The following ZSWIM6 variants were observed in gnomAD, a reference collection of about 807,000 sequenced individuals.
ZSWIM6 encodes zinc finger SWIM-type containing 6.
A neutral mutation model predicts 113.2 loss-of-function variants in ZSWIM6; 9 were observed. The observed-to-expected ratio is 0.08, with a 90% confidence interval of 0.05 to 0.14. The LOEUF (loss-of-function observed/expected upper bound fraction) is 0.14. ZSWIM6 is among the 10% of genes least tolerant of loss of function. ZSWIM6 has a pLI of 1.00. For missense variants in ZSWIM6, 1,162 were observed against 1,552.2 expected, an observed-to-expected ratio of 0.75 and a Z score of 4.22; for synonymous variants, 611 against 606.5, an observed-to-expected ratio of 1.01 and a Z score of -0.11.
intron 7 of ZSWIM6, 119 bp downstream of exon 7, chr5:61,526,515 C>G: frequency 8.5e-7 from 1 of 1,178,738 alleles, no homozygotes. Flanking sequence ...GCTTTACTCG[C>G]CATTCATTTA....
chr5:61,399,231 GTTTTTTTTT>G (rs35540556), intron 1 of ZSWIM6, among the ~76,000 whole-genome samples: 1 of 117,978 alleles, frequency 8.5e-6, no homozygotes, highest in African/African-American at 3.1e-5. Flanking sequence ...GGCTGTGTAT[GTTTTTTTTT>G]TTTTTTTTTT....
At chr5:61,333,040 G>T in intron 1 of ZSWIM6, 92 bp downstream of exon 1, 2 of 1,052,106 alleles carry the variant, frequency 1.9e-6, no homozygotes, top group East Asian at 6.3e-5. Context: ...ACAGCCCCTA[G>T]TTCCGCGCGC....
At chr5:61,362,187 T>C (rs908189966) in intron 1 of ZSWIM6, among the ~76,000 whole-genome samples, 1 of 151,938 alleles carries the variant, frequency 6.6e-6, no homozygotes, top group Admixed American at 6.6e-5. Flanking sequence ...AATTGAGATA[T>C]GCCTTCTTAC....
chr5:61,334,851 TAG>T lies in ZSWIM6; in HGVS notation c.676+1906_676+1907del, dbSNP rs144784404. ...TCTATGGCTTCTCAGTATAACAAAC[TAG>T]AGTCTGCGAATTTTTATGGCTTGGC... On this transcript the variant is annotated intron_variant, in intron 1 of 13. Coordinates refer to ENST00000252744, the MANE Select transcript of ZSWIM6 (RefSeq NM_020928.2). 1.0e-3 allele frequency among the ~76,000 whole-genome samples: 154 copies of T among 152,180 alleles called. 3 individuals carry two copies. The East Asian group carries it at 0.028, about 28-fold the overall frequency.
At chr5:61,533,885 T>C (rs965393845) in intron 9 of ZSWIM6, among the ~76,000 whole-genome samples, 5 of 152,220 alleles carry the variant, frequency 3.3e-5, no homozygotes, top group African/African-American at 4.8e-5. Context: ...AGCCTCATCA[T>C]TGGCTTCTGA....
At chr5:61,382,632 C>G (rs968320274) in intron 1 of ZSWIM6, among the ~76,000 whole-genome samples, 1 of 151,798 alleles carries the variant, frequency 6.6e-6, no homozygotes, top group Non-Finnish European at 1.5e-5. Context: ...GGTGAAACCC[C>G]CCTCTACTAA....
chr5:61,502,049 A>AGC (rs1748482804), intron 4 of ZSWIM6, among the ~76,000 whole-genome samples: 1 of 152,100 alleles, frequency 6.6e-6, no homozygotes, highest in Non-Finnish European at 1.5e-5. Context: ...GGAGGGGGAG[A>AGC]GCGAGAGTGA....
chr5:61,486,786 T>G (rs1242691902), intron 2 of ZSWIM6, among the ~76,000 whole-genome samples: 1 of 152,052 alleles, frequency 6.6e-6, no homozygotes, highest in Non-Finnish European at 1.5e-5. Context: ...TTTAATGGGA[T>G]TATTTGTGGG....
intron 9 of ZSWIM6, 29 bp downstream of exon 9, chr5:61,531,754 T>C (rs1749440879): frequency 6.5e-7 from 1 of 1,546,848 alleles, no homozygotes; most frequent in Non-Finnish European, 8.7e-7. Context: ...TTTCCACTTA[T>C]TTAGCCAATT....
At chr5:61,336,449 T>G (rs1744398418) in intron 1 of ZSWIM6, among the ~76,000 whole-genome samples, 2 of 151,896 alleles carry the variant, frequency 1.3e-5, no homozygotes, top group South Asian at 4.1e-4. Context: ...GGAAAAGAGA[T>G]AAATTTAATT....
intron 1 of ZSWIM6, among the ~76,000 whole-genome samples, chr5:61,426,490 A>G (rs1176409963): frequency 1.3e-5 from 2 of 152,250 alleles, no homozygotes; most frequent in Non-Finnish European, 2.9e-5. Context: ...TTTTCTTACA[A>G]AACTACATAC....
intron 1 of ZSWIM6, among the ~76,000 whole-genome samples, chr5:61,470,208 T>C (rs1448316648): frequency 6.6e-6 from 1 of 152,194 alleles, no homozygotes; most frequent in Non-Finnish European, 1.5e-5. Flanking sequence ...AGTTGGTTGG[T>C]GAAGAGAGAT....
chr5:61,429,266 G>A (rs1481253975), intron 1 of ZSWIM6, among the ~76,000 whole-genome samples: 2 of 152,298 alleles, frequency 1.3e-5, no homozygotes, highest in Non-Finnish European at 2.9e-5. Context: ...CAAGTGGAAC[G>A]TTTATCTTGC....
chr5:61,424,776 G>A (rs908756390), intron 1 of ZSWIM6, among the ~76,000 whole-genome samples: 1 of 144,198 alleles, frequency 6.9e-6, no homozygotes, highest in African/African-American at 2.6e-5. Flanking sequence ...CACCCAGACT[G>A]GAGTGCAGTG....
intron 1 of ZSWIM6, among the ~76,000 whole-genome samples, chr5:61,418,971 GC>G (rs1448336505): frequency 1.3e-5 from 2 of 152,178 alleles, no homozygotes; most frequent in African/African-American, 4.8e-5. Context: ...ACAGGTGTGC[GC>G]CGCCATGCCT....
At chr5:61,333,045 G>T in intron 1 of ZSWIM6, 97 bp downstream of exon 1, 1 of 1,041,994 alleles carries the variant, frequency 9.6e-7, no homozygotes, top group African/African-American at 1.7e-5. Context: ...CCCTAGTTCC[G>T]CGCGCGCCCG....
At chr5:61,443,326 AAATG>A (rs1215605897) in intron 1 of ZSWIM6, among the ~76,000 whole-genome samples, 1 of 152,210 alleles carries the variant, frequency 6.6e-6, no homozygotes, top group Admixed American at 6.5e-5. Flanking sequence ...ATAACAACCT[AAATG>A]AAGACATACC....
At chr5:61,373,789 C>G (rs566123197) in intron 1 of ZSWIM6, among the ~76,000 whole-genome samples, 1 of 151,960 alleles carries the variant, frequency 6.6e-6, no homozygotes, top group African/African-American at 2.4e-5. Context: ...TATCTTACTC[C>G]CCCCCACTCG....
chr5:61,505,305 T>TTTTTTCTTTTCTC (rs1322904234), intron 4 of ZSWIM6, among the ~76,000 whole-genome samples: 1 of 152,194 alleles, frequency 6.6e-6, no homozygotes, highest in Non-Finnish European at 1.5e-5. Flanking sequence ...GCATCTATCA[T>TTTTTTCTTTTCTC]TGTGCCTTTT....
Sources: allele counts gnomAD v4.1 joint callset (sites outside exome capture counted in the v4.1 genomes callset), GRCh38; gene constraint gnomAD v4.1.1; transcripts MANE v1.5; gene names NCBI Gene and HGNC (gene_info 2026-07-23, HGNC 2026-07-21).